Variants in LARGE1 observed in about 807,000 individuals in gnomAD.
LARGE1 encodes LARGE xylosyl- and glucuronyltransferase 1.
Under a neutral mutation model 87.6 loss-of-function variants are expected in LARGE1, and 43 were observed. That is an observed-to-expected ratio of 0.49 (90% CI 0.38 to 0.63). LARGE1 has a LOEUF of 0.63. LARGE1 is among the 30% of genes least tolerant of loss of function. The pLI, the probability that LARGE1 is intolerant of heterozygous loss-of-function variation, is 0.00. For synonymous variants in LARGE1, 434 were observed against 394.6 expected (o/e 1.10, Z -1.18); for missense variants, 802 against 1,000.2 (o/e 0.80, Z 2.67).
chr22:33,557,959 C>T (rs181202512), intron 6 of LARGE1, among the ~76,000 whole-genome samples: 27 of 152,308 alleles, frequency 1.8e-4, no homozygotes, highest in African/African-American at 6.3e-4. Context: ...ACAGGCCAAG[C>T]CTCGCCCTTT....
chr22:33,721,612 C>A (rs564669382), intron 2 of LARGE1, among the ~76,000 whole-genome samples: 1 of 152,272 alleles, frequency 6.6e-6, no homozygotes, highest in East Asian at 1.9e-4. Context: ...AATCCATGCC[C>A]CCAACTGAAG....
At chr22:33,334,037 T>C (rs1037355038) in intron 10 of LARGE1, among the ~76,000 whole-genome samples, 2 of 151,852 alleles carry the variant, frequency 1.3e-5, no homozygotes, top group Non-Finnish European at 2.9e-5. Flanking sequence ...CAAGAAGAAT[T>C]GCTTGAATCT....
intron 6 of LARGE1, among the ~76,000 whole-genome samples, chr22:33,519,998 C>CTTTT (rs397868082): frequency 2.3e-4 from 22 of 97,220 alleles, no homozygotes; most frequent in African/African-American, 8.1e-4. Flanking sequence ...TGGTTTTTCT[C>CTTTT]TTTTTTTTTT....
chr22:33,122,755 T>C, the LARGE1 span, among the ~76,000 whole-genome samples: 1 of 152,224 alleles, frequency 6.6e-6, no homozygotes, highest in Non-Finnish European at 1.5e-5. Context: ...CAAACTCCTG[T>C]ACAAACTTCC....
chr22:33,921,102 G>A (rs1308440991), upstream of LARGE1, among the ~76,000 whole-genome samples: 1 of 150,766 alleles, frequency 6.6e-6, no homozygotes, highest in Non-Finnish European at 1.5e-5. The surrounding 1 kb of genome is among the most constrained non-coding windows in gnomAD (Gnocchi z 4.1). Context: ...GTCGGCGCCC[G>A]CCCCCGACCC....
chr22:33,757,157 G>C (rs1366104409), intron 2 of LARGE1, among the ~76,000 whole-genome samples: 1 of 152,224 alleles, frequency 6.6e-6, no homozygotes, highest in African/African-American at 2.4e-5. Flanking sequence ...CTCTTTCCCA[G>C]ATGGTGAACT....
intron 1 of LARGE1, among the ~76,000 whole-genome samples, chr22:33,870,021 C>G (rs1286164336): frequency 2.6e-5 from 4 of 152,164 alleles, no homozygotes; most frequent in Non-Finnish European, 4.4e-5. Flanking sequence ...GTCCTAACCC[C>G]ACTCAGAATG....
At chr22:33,541,281 C>A (rs1239970453) in intron 6 of LARGE1, among the ~76,000 whole-genome samples, 2 of 149,316 alleles carry the variant, frequency 1.3e-5, no homozygotes, top group Non-Finnish European at 3.0e-5. Flanking sequence ...GGGACTTGAA[C>A]ACAGGGCAAG....
At chr22:33,374,386 T>C (rs1005595544) in intron 9 of LARGE1, among the ~76,000 whole-genome samples, 1 of 152,246 alleles carries the variant, frequency 6.6e-6, no homozygotes, top group Non-Finnish European at 1.5e-5. Flanking sequence ...TCCTGTGTTA[T>C]CTTTATTCAG....
At chr22:33,073,013 T>G in the LARGE1 span, among the ~76,000 whole-genome samples, 1 of 152,150 alleles carries the variant, frequency 6.6e-6, no homozygotes, top group Non-Finnish European at 1.5e-5. Flanking sequence ...TCGAGGGATA[T>G]ACATTTCCTA....
At chr22:33,192,004 A>T (rs878955171) in intron 11 of LARGE1, among the ~76,000 whole-genome samples, 1 of 152,188 alleles carries the variant, frequency 6.6e-6, no homozygotes, top group Admixed American at 6.5e-5. Flanking sequence ...TGAAAACTGA[A>T]CATTAAGCAT....
intron 1 of LARGE1, among the ~76,000 whole-genome samples, chr22:33,853,875 C>G (rs559326924): frequency 6.6e-6 from 1 of 152,256 alleles, no homozygotes; most frequent in East Asian, 1.9e-4. Context: ...TCTTTGTTCT[C>G]AATACTCTAG....
intron 3 of LARGE1, among the ~76,000 whole-genome samples, chr22:33,636,006 G>A (rs2080255953): frequency 6.6e-6 from 1 of 152,120 alleles, no homozygotes; most frequent in Admixed American, 6.5e-5. Flanking sequence ...GGAGTCTCTT[G>A]GTGTCCCCTC....
At chr22:33,893,866 T>C (rs1271452175) in intron 1 of LARGE1, among the ~76,000 whole-genome samples, 1 of 152,172 alleles carries the variant, frequency 6.6e-6, no homozygotes, top group Non-Finnish European at 1.5e-5. Flanking sequence ...AGGCCTATTA[T>C]TAAGGCCCGC....
rs141952927 is a variant in LARGE1, at chr22:33,673,673, C to T, written c.107-23005G>A. On this transcript the variant is annotated intron_variant, in intron 2 of 14. Transcript: ENST00000397394. ...TCTTGTAAAACACAAACTCCAGACC[C>T]ATGAAAAAACTCCCCATTCTTTTTT... is the stretch of plus-strand genomic sequence containing the variant. 6.8e-3 allele frequency among the ~76,000 whole-genome samples: 1,034 copies of T among 152,220 alleles called. 15 individuals are homozygous for T. Among genetic ancestry groups the T allele is most frequent in the African/African-American group, 0.024 (988 of 41,530 alleles).
At chr22:33,101,966 C>T in the LARGE1 span, among the ~76,000 whole-genome samples, 2 of 152,156 alleles carry the variant, frequency 1.3e-5, no homozygotes, top group East Asian at 1.9e-4. Context: ...CTTTCAATTT[C>T]CTTTCTCATT....
chr22:33,751,395 C>T (rs1365861773), intron 2 of LARGE1, among the ~76,000 whole-genome samples: 3 of 151,794 alleles, frequency 2.0e-5, no homozygotes, highest in East Asian at 1.9e-4. Context: ...GCAGGAGAAT[C>T]GCTTGAACCT....
intron 9 of LARGE1, among the ~76,000 whole-genome samples, chr22:33,347,759 G>T (rs1404469989): frequency 6.6e-6 from 1 of 152,136 alleles, no homozygotes; most frequent in Non-Finnish European, 1.5e-5. Context: ...TAATATCACA[G>T]AGACAGCCCC....
chr22:33,568,262 C>A (rs994101240), intron 5 of LARGE1, among the ~76,000 whole-genome samples: 4 of 152,176 alleles, frequency 2.6e-5, no homozygotes, highest in African/African-American at 9.7e-5. Context: ...ACCTCACTTC[C>A]CTCCTGCCCA....
Sources: allele counts gnomAD v4.1 joint callset (sites outside exome capture counted in the v4.1 genomes callset), GRCh38; gene constraint gnomAD v4.1.1; non-coding constraint Gnocchi (gnomAD v3.1); transcripts MANE v1.5; gene names NCBI Gene and HGNC (gene_info 2026-07-23, HGNC 2026-07-21).